The following RDH14 variants were observed in gnomAD, a reference collection of about 807,000 sequenced individuals.
The protein encoded by RDH14 is retinol dehydrogenase 14, also known as alcohol dehydrogenase PAN2.
RDH14 carries 17 observed loss-of-function variants against 19.3 expected under a neutral mutation model. The ratio of observed to expected loss-of-function variants is 0.88; its 90% confidence interval spans 0.60 to 1.32. The LOEUF is 1.32. Among genes scored for constraint, RDH14 ranks in the 40% most tolerant of loss-of-function variants. The pLI is 0.00. For missense variants in RDH14, 534 were observed against 449.2 expected (o/e 1.19, Z -1.71); for synonymous variants, 215 against 188.9 (o/e 1.14, Z -1.13).
In RDH14 at chr2:18,555,755, A is replaced by C. The variant is rs1431436774; in HGVS notation, c.447T>G (p.Pro149=). ...LINNAGIFQC[P]YMKTEDGFEM... is the part of the protein sequence containing the mutation. ...CAAACCCATCTTCAGTCTTCATGTA[A>C]GGGCACTGGAAGATCCCTGCGTTAT... The change falls in exon 2 of 2, where the codon CCT becomes CCG. Residue 149 remains proline, a synonymous_variant. Coordinates refer to ENST00000381249, the MANE Select transcript of RDH14 (RefSeq NM_020905.4). The C allele has an allele frequency of 2.5e-6, 4 of 1,613,808 alleles. No homozygotes were observed. The highest frequency in any genetic ancestry group is 1.7e-6 in the Non-Finnish European group (2 of 1,179,830).
At chr2:18,558,813 C>A (rs1322892650) in intron 1 of RDH14, among the ~76,000 whole-genome samples, 1 of 152,178 alleles carries the variant, frequency 6.6e-6, no homozygotes, top group Non-Finnish European at 1.5e-5. Context: ...TAATCAAAGA[C>A]CCAAAAGAAT....
In RDH14 at chr2:18,555,813, A is replaced by AAATG; in HGVS notation, c.394-9_394-6dup. The AAATG allele has an allele frequency of 6.3e-7, 1 of 1,587,904 alleles. No individual in the cohort carries two copies. The highest frequency in any genetic ancestry group is 8.6e-7 in the Non-Finnish European group (1 of 1,164,364). On this transcript the variant is annotated splice_region_variant and splice_polypyrimidine_tract_variant and intron_variant, in intron 1 of 1. Coordinates refer to ENST00000381249, the MANE Select transcript of RDH14 (RefSeq NM_020905.4). ...GACATCCAGCCTAGGCTCTTCCTTT[A>AAATG]AATGTCAAAAAGAGAATGGCAGAAT...
intron 1 of RDH14, among the ~76,000 whole-genome samples, chr2:18,558,272 G>C (rs1663978861): frequency 6.6e-6 from 1 of 152,176 alleles, no homozygotes; most frequent in Admixed American, 6.5e-5. Context: ...TTTCCCATTA[G>C]TAGTTATGGC....
intron 1 of RDH14, 127 bp downstream of exon 1, chr2:18,560,053 C>T: frequency 1.8e-6 from 2 of 1,092,128 alleles, no homozygotes; most frequent in South Asian, 1.7e-5. Flanking sequence ...CTCCTCTCAG[C>T]CTCAGCGGTT....
At chr2:18,559,689 G>A (rs981901593) in intron 1 of RDH14, among the ~76,000 whole-genome samples, 1 of 152,130 alleles carries the variant, frequency 6.6e-6, no homozygotes, top group Non-Finnish European at 1.5e-5. Context: ...ACTGGTGGCA[G>A]CGAGCTCCTT....
At position 18,555,403 on chromosome 2, in the gene RDH14, G is replaced by A; in HGVS notation, c.799C>T (p.Leu267Phe). The change falls in exon 2 of 2, where the codon CTC becomes TTC. Residue 267 changes from leucine to phenylalanine, a missense_variant. Coordinates refer to ENST00000381249, the MANE Select transcript of RDH14 (RefSeq NM_020905.4). ...AAAGCCCATGACACCAAATTGAAGA[G>A]TGGTTTGACCAACAGTGGAATGTGT... The part of the protein sequence containing the change: ...HIHIPLLVKP[L>F]FNLVSWAFFK... The A allele has an allele frequency of 6.2e-7, 1 of 1,614,126 alleles. No homozygotes were observed. Among genetic ancestry groups the A allele is most frequent in the Admixed American group, 1.7e-5 (1 of 60,014 alleles).
chr2:18,560,381 C>T lies in RDH14; in HGVS notation c.192G>A (p.Leu64=). 1 of 1,477,366 alleles carries T rather than the reference C, an allele frequency of 6.8e-7. No individual in the cohort carries two copies. Among genetic ancestry groups the T allele is most frequent in the South Asian group, 1.3e-5 (1 of 77,442 alleles). 91.5% of individuals were successfully genotyped at this position (1,477,366 alleles called of 1,614,324 possible). A position where few individuals can be genotyped will look rare whatever the true frequency, so the allele number is the denominator to read the frequency against. Residue 64 remains leucine, a synonymous_variant, in exon 1 of 2, where the codon CTG becomes CTA. Coordinates refer to ENST00000381249, the MANE Select transcript of RDH14 (RefSeq NM_020905.4). ...CCATGATCACCCGCGCTCCCAGGCG[C>T]AGTAGCTCGGCGGCCGTGGCGCGGC... ...GLGRATAAEL[L]RLGARVIMGC...
At chr2:18,559,760 G>A (rs1664036253) in intron 1 of RDH14, among the ~76,000 whole-genome samples, 1 of 152,092 alleles carries the variant, frequency 6.6e-6, no homozygotes, top group African/African-American at 2.4e-5. Context: ...GGACTGATAT[G>A]AGGTCCTTAG....
chr2:18,555,171 A>T lies in RDH14; in HGVS notation c.*20T>A, dbSNP rs1253483200. The T allele has an allele frequency of 6.2e-7, 1 of 1,605,698 alleles. No homozygotes were observed. Among genetic ancestry groups the T allele is most frequent in the Admixed American group, 1.7e-5 (1 of 59,364 alleles). ...ATAACTGATATGCAGTTTTATAAAC[A>T]GCTCTTTTACTCCTTGTTCCTATTT... On this transcript the variant is annotated 3_prime_UTR_variant, in exon 2 of 2. Coordinates refer to ENST00000381249, the MANE Select transcript of RDH14 (RefSeq NM_020905.4).
chr2:18,558,845 A>AC (rs146193785), intron 1 of RDH14, among the ~76,000 whole-genome samples: 1 of 152,212 alleles, frequency 6.6e-6, no homozygotes, highest in Non-Finnish European at 1.5e-5. Flanking sequence ...TCTCCCATCT[A>AC]CCTATGACCT....
Position 18,560,359 on chromosome 2 carries a change from T to C in RDH14, c.214A>G (p.Met72Val), listed in dbSNP as rs1473166736. The C allele has an allele frequency of 1.2e-5, 18 of 1,444,692 alleles. No homozygotes were observed. Among genetic ancestry groups the C allele is most frequent in the Non-Finnish European group, 1.5e-5 (17 of 1,110,020 alleles). 89.5% of individuals were successfully genotyped at this position (1,444,692 alleles called of 1,614,324 possible). The part of the protein sequence containing the change: ...ELLRLGARVI[M>V]GCRDRARAEE... ...GCGCGCGCGCGGTCCCGGCAGCCCATGATCACCCGCGCTCCCAGGCGCAGT... is the reference window on the plus strand; with the variant it reads ...GCGCGCGCGCGGTCCCGGCAGCCCACGATCACCCGCGCTCCCAGGCGCAGT... Residue 72 changes from methionine to valine, a missense_variant, in exon 1 of 2, where the codon ATG (methionine) becomes GTG (valine). Coordinates refer to ENST00000381249, the MANE Select transcript of RDH14 (RefSeq NM_020905.4).
In RDH14 at chr2:18,560,246, G is replaced by C; in HGVS notation, c.327C>G (p.Leu109=). 1.3e-6 allele frequency: 2 copies of C among 1,523,494 alleles called. No individual in the cohort carries two copies. The highest frequency in any genetic ancestry group is 2.0e-5 in the Admixed American group (1 of 50,450). The allele number at this position is 1,523,494 out of a possible 1,614,324, so 94.4% of individuals were successfully genotyped here. The change falls in exon 1 of 2, where the codon CTC becomes CTG. Residue 109 remains leucine, a synonymous_variant. Transcript: ENST00000381249. ...AGGCGAGGTCCAGCTCCCGGACTATGAGCTCGCCCACCCCGCTGACGCCAG... is the reference window on the plus strand; with the variant it reads ...AGGCGAGGTCCAGCTCCCGGACTATCAGCTCGCCCACCCCGCTGACGCCAG... ...PEPGVSGVGE[L]IVRELDLASL...
rs755199486 is a variant in RDH14, at chr2:18,555,570, T to C, written c.632A>G (p.Tyr211Cys). 8 of 1,614,044 alleles carry C rather than the reference T, an allele frequency of 5.0e-6. No homozygotes were observed. Among genetic ancestry groups the C allele is most frequent in the South Asian group, 2.2e-5 (2 of 91,088 alleles). Residue 211 changes from tyrosine to cysteine, a missense_variant, in exon 2 of 2, where the codon TAT becomes TGT. Coordinates refer to ENST00000381249, the MANE Select transcript of RDH14 (RefSeq NM_020905.4). ...NFDDLNSEQS[Y>C]NKSFCYSRSK... Reference sequence around the variant, plus strand: ...CCGGCTATAACAAAAGCTTTTATTATAGCTTTGTTCACTGTTCAAGTCATC... The same window carrying C: ...CCGGCTATAACAAAAGCTTTTATTACAGCTTTGTTCACTGTTCAAGTCATC...
At chr2:18,556,227 C>G (rs1663914793) in intron 1 of RDH14, among the ~76,000 whole-genome samples, 1 of 152,104 alleles carries the variant, frequency 6.6e-6, no homozygotes, top group African/African-American at 2.4e-5. Flanking sequence ...AGAAAGTTGA[C>G]TACGTGATCA....
At chr2:18,558,579 T>C (rs1326131079) in intron 1 of RDH14, among the ~76,000 whole-genome samples, 1 of 152,242 alleles carries the variant, frequency 6.6e-6, no homozygotes, top group Non-Finnish European at 1.5e-5. Context: ...CTGTTGAATT[T>C]CACCCTGGCA....
chr2:18,555,073 A>G lies in RDH14; in HGVS notation c.*118T>C. On this transcript the variant is annotated 3_prime_UTR_variant, in exon 2 of 2. Coordinates refer to ENST00000381249, the MANE Select transcript of RDH14 (RefSeq NM_020905.4). The stretch of plus-strand genomic sequence containing the variant: ...AAAATACCCACATGTACCTCTTAGC[A>G]GGCTATTCCAATATCAAAATTCTTT... 6.8e-7 allele frequency: 1 copy of G among 1,463,592 alleles called. No individual in the cohort carries two copies. Among genetic ancestry groups the G allele is most frequent in the East Asian group, 2.3e-5 (1 of 43,726 alleles). The allele number at this position is 1,463,592 out of a possible 1,614,324, so 90.7% of individuals were successfully genotyped here.
rs943551165 is a variant in RDH14, at chr2:18,560,285, C to T, written c.288G>A (p.Glu96=). The T allele has an allele frequency of 8.0e-6, 12 of 1,493,682 alleles. No individual in the cohort carries two copies. The Admixed American group carries it at 1.1e-4, about 14-fold the overall frequency. 92.5% of individuals were successfully genotyped at this position (1,493,682 alleles called of 1,614,324 possible). A position where few individuals can be genotyped will look rare whatever the true frequency, so the allele number is the denominator to read the frequency against. The change falls in exon 1 of 2, where the codon GAG becomes GAA. Residue 96 remains glutamate, a synonymous_variant. Transcript: ENST00000381249. ...QLRRELRQAA[E]CGPEPGVSGV... is the part of the protein sequence containing the mutation. ...CGCTGACGCCAGGCTCTGGGCCGCA[C>T]TCCGCGGCCTGGCGGAGCTCGCGGC...
chr2:18,555,348 G>A lies in RDH14; in HGVS notation c.854C>T (p.Thr285Ile), dbSNP rs767601111. ...AGGTGAAGAGGCCAAATAAATGGAAGTCTGGGCACCTTCTACTGGAGTTTT... is the reference window on the plus strand; with the variant it reads ...AGGTGAAGAGGCCAAATAAATGGAAATCTGGGCACCTTCTACTGGAGTTTT... ...FFKTPVEGAQTSIYLASSPEV... is the reference protein window; with the variant it reads ...FFKTPVEGAQISIYLASSPEV... Residue 285 changes from threonine (T) to isoleucine (I), a missense_variant, in exon 2 of 2, where the codon ACT (threonine) becomes ATT (isoleucine). By Grantham distance (89) the Thr-to-Ile change is moderately conservative (BLOSUM62 -1). Transcript: ENST00000381249. The A allele has an allele frequency of 1.9e-5, 31 of 1,613,948 alleles. No homozygotes were observed. The highest frequency in any genetic ancestry group is 2.6e-5 in the Non-Finnish European group (31 of 1,179,978).
chr2:18,560,441 C>G lies in RDH14; in HGVS notation c.132G>C (p.Lys44Asn). ...RGGDPGLMHGKTVLITGANSG... is the reference protein window; with the variant it reads ...RGGDPGLMHGNTVLITGANSG... ...TGTTCGCCCCGGTGATCAGCACAGT[C>G]TTCCCGTGCATGAGGCCGGGGTCCC... Residue 44 changes from lysine to asparagine, a missense_variant, in exon 1 of 2, where the codon AAG becomes AAC. Physicochemically the swap from Lys to Asn is moderately conservative, Grantham distance 94 (BLOSUM62 0). Transcript: ENST00000381249. 6.6e-7 allele frequency: 1 copy of G among 1,515,362 alleles called. No individual in the cohort carries two copies. Among genetic ancestry groups the G allele is most frequent in the Non-Finnish European group, 8.8e-7 (1 of 1,139,914 alleles). The allele number at this position is 1,515,362 out of a possible 1,614,324, so 93.9% of individuals were successfully genotyped here.
Sources: allele counts gnomAD v4.1 joint callset (sites outside exome capture counted in the v4.1 genomes callset), GRCh38; gene constraint gnomAD v4.1.1; transcripts MANE v1.5; gene names NCBI Gene and HGNC (gene_info 2026-07-23, HGNC 2026-07-21).